Variants in ZNF675 observed in about 807,000 individuals in gnomAD.
ZNF675 encodes TRAF6 inhibitory zinc finger.
In ZNF675, 36 loss-of-function variants were observed where a neutral mutation model predicts 56.1. That is an observed-to-expected ratio of 0.64 (90% CI 0.49 to 0.85). The LOEUF is 0.85. Ranked by LOEUF, ZNF675 falls within the 40% of genes least tolerant of loss-of-function variation. The pLI is 0.00. For missense variants in ZNF675, 663 were observed against 654.2 expected, an observed-to-expected ratio of 1.01 and a Z score of -0.15; for synonymous variants, 200 against 218.9, an observed-to-expected ratio of 0.91 and a Z score of 0.76.
In ZNF675 at chr19:23,654,627, T is replaced by A; in HGVS notation, c.306A>T (p.Arg102Ser). The A allele has an allele frequency of 3.7e-6, 6 of 1,609,048 alleles. No homozygotes were observed. The highest frequency in any genetic ancestry group is 5.1e-6 in the Non-Finnish European group (6 of 1,177,970). Residue 102 changes from arginine (R) to serine (S), a missense_variant, in exon 4 of 4, where the codon AGA (arginine) becomes AGT (serine). Arg to Ser is a moderately radical substitution (Grantham distance 110). Coordinates refer to ENST00000359788, the MANE Select transcript of ZNF675 (RefSeq NM_138330.3). ...KDSFEKVTLRRYEKCGNDNFQ... is the reference protein window; with the variant it reads ...KDSFEKVTLRSYEKCGNDNFQ... Reference sequence around the variant, plus strand: ...AATTATCATTTCCACATTTTTCATATCTTCTCAGTGTCACTTTTTCAAAAG... The same window carrying A: ...AATTATCATTTCCACATTTTTCATAACTTCTCAGTGTCACTTTTTCAAAAG...
intron 1 of ZNF675, among the ~76,000 whole-genome samples, chr19:23,682,383 C>G (rs959188784): frequency 2.0e-5 from 3 of 151,856 alleles, no homozygotes; most frequent in African/African-American, 7.3e-5. Flanking sequence ...CCTCCTGTTG[C>G]AATACTCCTT....
chr19:23,664,956 CA>C (rs1301934594), intron 1 of ZNF675, among the ~76,000 whole-genome samples: 1 of 150,948 alleles, frequency 6.6e-6, no homozygotes, highest in Non-Finnish European at 1.5e-5. Flanking sequence ...GTCTCAAAAA[CA>C]AAAAACAAAA....
chr19:23,682,996 C>G (rs1389122085), intron 1 of ZNF675, among the ~76,000 whole-genome samples: 5 of 151,600 alleles, frequency 3.3e-5, no homozygotes, highest in African/African-American at 7.3e-5. Context: ...CGAGCCTAGC[C>G]TGGCCAACAT....
chr19:23,659,717 C>T (rs1340013836), intron 3 of ZNF675, among the ~76,000 whole-genome samples: 1 of 152,168 alleles, frequency 6.6e-6, no homozygotes, highest in African/African-American at 2.4e-5. Flanking sequence ...AACTTGGTCC[C>T]ACTAAGAATT....
chr19:23,687,161 C>A lies in ZNF675; in HGVS notation c.-128G>T. ...GCAATGAAAGCGAGACCTGGAGCTC[C>A]GGCTGCAGCGAGAGACAAAGGCGCC... On this transcript the variant is annotated 5_prime_UTR_variant, in exon 1 of 4. Coordinates refer to ENST00000359788, the MANE Select transcript of ZNF675 (RefSeq NM_138330.3). 1 of 1,166,902 alleles carries A rather than the reference C, an allele frequency of 8.6e-7. No individual in the cohort carries two copies. Among genetic ancestry groups the A allele is most frequent in the Non-Finnish European group, 1.3e-6 (1 of 796,156 alleles). 72.3% of individuals were successfully genotyped at this position (1,166,902 alleles called of 1,614,324 possible). A position where few individuals can be genotyped will look rare whatever the true frequency, so the allele number is the denominator to read the frequency against.
chr19:23,654,034 G>C lies in ZNF675; in HGVS notation c.899C>G (p.Thr300Ser). The C allele has an allele frequency of 6.2e-7, 1 of 1,613,708 alleles. No homozygotes were observed. Among genetic ancestry groups the C allele is most frequent in the Non-Finnish European group, 8.5e-7 (1 of 1,179,966 alleles). Reference protein sequence around the residue: ...GKAFNQFSNLTTHKKIHTGEQ... With the variant: ...GKAFNQFSNLSTHKKIHTGEQ... ...TCCAGTATGAATTTTTTTATGTGTAGTAAGATTTGAGAACTGGTTAAAGGC... is the reference window on the plus strand; with the variant it reads ...TCCAGTATGAATTTTTTTATGTGTACTAAGATTTGAGAACTGGTTAAAGGC... The change falls in exon 4 of 4, where the codon ACT becomes AGT. Residue 300 changes from threonine (T) to serine (S), a missense_variant. Thr to Ser is a moderately conservative substitution (Grantham distance 58, BLOSUM62 1). Coordinates refer to ENST00000359788, the MANE Select transcript of ZNF675 (RefSeq NM_138330.3).
chr19:23,670,653 C>G (rs899938798), intron 1 of ZNF675, among the ~76,000 whole-genome samples: 1 of 152,074 alleles, frequency 6.6e-6, no homozygotes, highest in Admixed American at 6.5e-5. Flanking sequence ...TCCAGCCCTG[C>G]TACCTCTTAG....
chr19:23,681,870 G>C (rs1418074045), intron 1 of ZNF675, among the ~76,000 whole-genome samples: 1 of 151,450 alleles, frequency 6.6e-6, no homozygotes, highest in Middle Eastern at 3.2e-3. Flanking sequence ...TCAAATGGAA[G>C]AAATACATAG....
chr19:23,686,179 C>T (rs935744539), intron 1 of ZNF675: 1 of 152,122 alleles, frequency 6.6e-6, no homozygotes, highest in African/African-American at 2.4e-5. Flanking sequence ...CATCATGTAC[C>T]TTTAAAAGTC....
intron 1 of ZNF675, among the ~76,000 whole-genome samples, chr19:23,673,723 G>T (rs1022883004): frequency 6.6e-6 from 1 of 152,208 alleles, no homozygotes. Context: ...TCTAATGCAT[G>T]TGGGGCTTAA....
Position 23,675,104 on chromosome 19 carries a change from G to A in ZNF675, c.3+11927C>T, listed in dbSNP as rs1968279431. On this transcript the variant is annotated intron_variant, in intron 1 of 3. Coordinates refer to ENST00000359788, the MANE Select transcript of ZNF675 (RefSeq NM_138330.3). ...TAGACACTGGATTCAGGCATCTAAG[G>A]AGTAGCATTGGGCACACAGTATTCA... Among the ~76,000 whole-genome samples, 2 of 151,752 alleles carry A rather than the reference G, an allele frequency of 1.3e-5. 1 individual carries two copies.
chr19:23,658,080 G>C (rs1241983122), intron 3 of ZNF675, among the ~76,000 whole-genome samples: 2 of 152,126 alleles, frequency 1.3e-5, no homozygotes, highest in African/African-American at 4.8e-5. Context: ...GATGTGTCTA[G>C]GCCAGATGCA....
intron 1 of ZNF675, among the ~76,000 whole-genome samples, chr19:23,675,541 T>C (rs982509321): frequency 5.9e-5 from 9 of 151,754 alleles, no homozygotes; most frequent in Middle Eastern, 3.2e-3. Context: ...TATAATTCAA[T>C]ACAAAGAAAA....
At chr19:23,659,457 G>A (rs1049783486) in intron 3 of ZNF675, among the ~76,000 whole-genome samples, 1 of 151,980 alleles carries the variant, frequency 6.6e-6, no homozygotes, top group African/African-American at 2.4e-5. Flanking sequence ...TGTAATGAAA[G>A]ATACATGATA....
intron 3 of ZNF675, among the ~76,000 whole-genome samples, chr19:23,659,124 G>A (rs1196790670): frequency 2.6e-5 from 4 of 151,758 alleles, no homozygotes; most frequent in Non-Finnish European, 5.9e-5. Context: ...CAAAATGGGT[G>A]CAAATCATAG....
At chr19:23,663,606 C>G (rs1968110923) in intron 1 of ZNF675, among the ~76,000 whole-genome samples, 1 of 152,136 alleles carries the variant, frequency 6.6e-6, no homozygotes, top group Admixed American at 6.5e-5. Flanking sequence ...GCAGGAGAAT[C>G]ACGAGAATGG....
chr19:23,671,561 GC>G (rs1185990143), intron 1 of ZNF675, among the ~76,000 whole-genome samples: 1 of 150,238 alleles, frequency 6.7e-6, no homozygotes, highest in Non-Finnish European at 1.5e-5. Flanking sequence ...AGAACTGACT[GC>G]CCCTGTGCCA....
intron 1 of ZNF675, among the ~76,000 whole-genome samples, chr19:23,678,644 T>C (rs1968333836): frequency 6.9e-6 from 1 of 145,486 alleles, no homozygotes; most frequent in Non-Finnish European, 1.5e-5. Flanking sequence ...TAAGCAAAAA[T>C]AACAAAGCTG....
intron 3 of ZNF675, 184 bp downstream of exon 3, chr19:23,661,924 AAACCTT>A (rs900641457): frequency 2.0e-5 from 10 of 493,864 alleles, no homozygotes; most frequent in Non-Finnish European, 3.6e-5. Context: ...ATGTAAACAG[AAACCTT>A]AGAGAATTTA....
Sources: gnomAD v4.1 joint callset for allele counts (sites outside exome capture counted in the v4.1 genomes callset) on GRCh38, gnomAD v4.1.1 for gene constraint, MANE v1.5 for transcripts, NCBI Gene and HGNC (gene_info 2026-07-23, HGNC 2026-07-21) for gene names.